The following GREB1 variants were observed in gnomAD, a reference collection of about 807,000 sequenced individuals.
The protein encoded by GREB1 is protein GREB1.
Under a neutral mutation model 200.7 loss-of-function variants are expected in GREB1, and 106 were observed. That is an observed-to-expected ratio of 0.53 (90% confidence interval 0.45 to 0.62). The LOEUF is 0.62. Ranked by LOEUF, GREB1 falls within the 20% of genes least tolerant of loss-of-function variation. The probability of loss-of-function intolerance (pLI) is 0.00; values close to 1 mark genes in which losing one functional copy is unlikely to be tolerated. For missense variants in GREB1, 2,243 were observed against 2,556.8 expected (o/e 0.88, Z 2.65); for synonymous variants, 1,132 against 1,092.4 (o/e 1.04, Z -0.72).
chr2:11,586,374 C>T (rs1203044159), intron 9 of GREB1, among the ~76,000 whole-genome samples: 1 of 152,170 alleles, frequency 6.6e-6, no homozygotes, highest in African/African-American at 2.4e-5. Flanking sequence ...CAAAGATAGC[C>T]GTGGTCACCA....
chr2:11,495,795 C>CTTTT (rs1393933225), intron 1 of GREB1, among the ~76,000 whole-genome samples: 1 of 140,470 alleles, frequency 7.1e-6, no homozygotes. Flanking sequence ...TAAGTCCCCC[C>CTTTT]GTTTTTTTTT....
chr2:11,635,876 C>T (rs1292372705), intron 30 of GREB1, among the ~76,000 whole-genome samples: 2 of 152,216 alleles, frequency 1.3e-5, no homozygotes, highest in African/African-American at 4.8e-5. Flanking sequence ...CGTAAAATCA[C>T]AGCAAGTCTT....
rs932250116 is a variant in GREB1, at chr2:11,526,227, G to A, written c.-158-30230G>A. Among the ~76,000 whole-genome samples the A allele has an allele frequency of 5.3e-5, 8 of 151,906 alleles. No homozygotes were observed. In the East Asian group the frequency reaches 1.4e-3, roughly 26 times the overall value. ...CATTTCTTTCTTTTTTACATCATAC[G>A]GCACTTCATGAGACTCTGTGGCTCT... is the stretch of plus-strand genomic sequence containing the variant. On this transcript the variant is annotated intron_variant, in intron 1 of 2. Coordinates refer to the GREB1 transcript ENST00000628795.
intron 1 of GREB1, among the ~76,000 whole-genome samples, chr2:11,497,616 T>A (rs980189818): frequency 2.0e-5 from 3 of 152,272 alleles, no homozygotes; most frequent in African/African-American, 7.2e-5. Flanking sequence ...CAGCTTCTCT[T>A]TGTCCTTGCC....
At chr2:11,530,381 A>G (rs930873759), upstream of GREB1, among the ~76,000 whole-genome samples, 1 of 151,740 alleles carries the variant, frequency 6.6e-6, no homozygotes, top group Non-Finnish European at 1.5e-5. Context: ...TCTTATGCAC[A>G]CTAAAGTTGA....
chr2:11,497,096 C>T (rs1295861350), intron 1 of GREB1, among the ~76,000 whole-genome samples: 1 of 152,196 alleles, frequency 6.6e-6, no homozygotes, highest in Non-Finnish European at 1.5e-5. Context: ...CACGCCTGGC[C>T]TGTACTGCCC....
chr2:11,538,199 G>A (rs528848796), intron 1 of GREB1, among the ~76,000 whole-genome samples: 1 of 152,276 alleles, frequency 6.6e-6, no homozygotes, highest in East Asian at 1.9e-4. Context: ...GCAGGGATGG[G>A]TGGGGTCTCC....
At chr2:11,582,383 C>T (rs1679583885) in intron 7 of GREB1, among the ~76,000 whole-genome samples, 2 of 152,336 alleles carry the variant, frequency 1.3e-5, no homozygotes, top group South Asian at 4.1e-4. Context: ...AACCTCATTC[C>T]CTGCTATTTT....
At chr2:11,583,847 G>T (rs929316571) in intron 7 of GREB1, among the ~76,000 whole-genome samples, 1 of 143,360 alleles carries the variant, frequency 7.0e-6, no homozygotes. Context: ...CAACAAGAGC[G>T]AGACTCTGTC....
At position 11,562,588 on chromosome 2, in the gene GREB1, C is replaced by T; in HGVS notation, c.277+6C>T. 1 of 1,570,646 alleles carries T rather than the reference C, an allele frequency of 6.4e-7. No individual in the cohort carries two copies. The highest frequency in any genetic ancestry group is 8.6e-7 in the Non-Finnish European group (1 of 1,159,422). On this transcript the variant is annotated splice_donor_region_variant and intron_variant, in intron 3 of 32. Coordinates refer to ENST00000381486, the MANE Select transcript of GREB1 (RefSeq NM_014668.4). ...AGGATGCTGTACCACAGACGGTGAG[C>T]CTCTGCCAGCTCCTGGCCAGGCAGT...
intron 19 of GREB1, among the ~76,000 whole-genome samples, chr2:11,614,839 C>CTT (rs35762494): frequency 1.3e-5 from 2 of 152,016 alleles, no homozygotes; most frequent in Admixed American, 6.5e-5. Context: ...CTGCAAGCCC[C>CTT]TTTTTTATCT....
chr2:11,534,007 TAAA>T (rs1674173208), upstream of GREB1: 2 of 152,268 alleles, frequency 1.3e-5, no homozygotes, highest in South Asian at 2.1e-4. Context: ...TTTAAAAAGA[TAAA>T]AACCTAATAA....
intron 3 of GREB1, 147 bp downstream of exon 3, chr2:11,562,729 C>T (rs1677203114): frequency 1.1e-6 from 1 of 937,560 alleles, no homozygotes; most frequent in South Asian, 1.9e-5. Context: ...AGCCATGCCC[C>T]TGGGCCCGCA....
In GREB1 at chr2:11,597,769, C is replaced by T. The variant is rs765154949; in HGVS notation, c.1955-12C>T. 6 of 1,613,494 alleles carry T rather than the reference C, an allele frequency of 3.7e-6. No homozygotes were observed. In the African/African-American group the frequency reaches 8.0e-5, roughly 22 times the overall value. The stretch of plus-strand genomic sequence containing the variant: ...CTGGAGCTCACCTGGCATCCTGGGG[C>T]TCTGGTTCCAGGTTACAATCTGGAG... On this transcript the variant is annotated splice_polypyrimidine_tract_variant and intron_variant, in intron 13 of 32. Transcript: ENST00000381486. This position sits in a 1 kb window ranked among gnomAD's most constrained non-coding sequence, Gnocchi z 4.1.
chr2:11,607,351 C>G (rs1015938039), intron 17 of GREB1, among the ~76,000 whole-genome samples: 8 of 151,528 alleles, frequency 5.3e-5, no homozygotes, highest in Admixed American at 2.0e-4. Flanking sequence ...ATTTTAGTTT[C>G]TATTGCTGTG....
At chr2:11,578,168 TGTG>T (rs1679074386) in intron 5 of GREB1, 126 bp from the exon 6 acceptor site, 3 of 978,088 alleles carry the variant, frequency 3.1e-6, no homozygotes, top group Admixed American at 4.3e-5. Flanking sequence ...AAGACCAGGA[TGTG>T]GTGGCAGCTT....
rs1676464913 is a variant in GREB1, at chr2:11,556,702, A to G, written c.88A>G (p.Asn30Asp). The change falls in exon 2 of 33, where the codon AAC becomes GAC. Residue 30 changes from asparagine to aspartate, a missense_variant. Coordinates refer to ENST00000381486, the MANE Select transcript of GREB1 (RefSeq NM_014668.4). ...NSIEASLRSNNLVPRPIFSQL... is the reference protein window; with the variant it reads ...NSIEASLRSNDLVPRPIFSQL... ...CATCGAGGCATCCCTGCGGTCCAAC[A>G]ACCTGGTGCCCAGGCCCATCTTTTC... 1.9e-6 allele frequency: 3 copies of G among 1,613,978 alleles called. No homozygotes were observed. The highest frequency in any genetic ancestry group is 2.5e-6 in the Non-Finnish European group (3 of 1,179,968).
chr2:11,572,662 C>T (rs1678434140), intron 4 of GREB1, among the ~76,000 whole-genome samples: 2 of 151,888 alleles, frequency 1.3e-5, no homozygotes, highest in South Asian at 4.2e-4. Context: ...TCATGACCCC[C>T]ACTGTGCTCT....
chr2:11,610,814 C>A lies in GREB1; in HGVS notation c.2793C>A (p.Ile931=). 6.8e-6 allele frequency: 11 copies of A among 1,613,468 alleles called. No homozygotes were observed. The highest frequency in any genetic ancestry group is 7.6e-6 in the Non-Finnish European group (9 of 1,179,962). ...ACACGTCGGTGGAGACGCTGGAGAT[C>A]ACGCAGAACCTCCTCAACTCCCCGA... The part of the protein sequence containing the change: ...KNYTSVETLE[I]TQNLLNSPKQ... The change falls in exon 18 of 33, where the codon ATC becomes ATA. Residue 931 remains isoleucine, a synonymous_variant. Coordinates refer to ENST00000381486, the MANE Select transcript of GREB1 (RefSeq NM_014668.4).
Sources: gnomAD v4.1 joint callset for allele counts (sites outside exome capture counted in the v4.1 genomes callset) on GRCh38, gnomAD v4.1.1 for gene constraint, Gnocchi (gnomAD v3.1) non-coding constraint, MANE v1.5 for transcripts, NCBI Gene and HGNC (gene_info 2026-07-23, HGNC 2026-07-21) for gene names.